Variants in PARD3 observed in about 807,000 individuals in gnomAD.
PARD3 encodes the protein partitioning defective 3 homolog.
Under a neutral mutation model 155.4 loss-of-function variants are expected in PARD3, and 75 were observed. That is an observed-to-expected ratio of 0.48 (90% confidence interval 0.40 to 0.58). PARD3 has a LOEUF of 0.58. Ranked by LOEUF, PARD3 falls within the 20% of genes least tolerant of loss-of-function variation. The probability of loss-of-function intolerance (pLI) is 0.00; values close to 1 mark genes in which losing one functional copy is unlikely to be tolerated. For missense variants in PARD3, 1,642 were observed against 1,721.7 expected (o/e 0.95, Z 0.82); for synonymous variants, 576 against 610.5 (o/e 0.94, Z 0.83).
intron 22 of PARD3, among the ~76,000 whole-genome samples, chr10:34,265,930 T>C (rs557091368): frequency 6.6e-6 from 1 of 152,066 alleles, no homozygotes; most frequent in Non-Finnish European, 1.5e-5. Context: ...GGCAAGACTG[T>C]GGGGGTCGGC....
chr10:34,183,903 C>G (rs751449844), intron 22 of PARD3, among the ~76,000 whole-genome samples: 6 of 152,190 alleles, frequency 3.9e-5, no homozygotes, highest in Non-Finnish European at 8.8e-5. Context: ...TGGGGTTCCT[C>G]CAGTCATCGG....
chr10:34,606,285 G>A (rs944858412), intron 2 of PARD3, among the ~76,000 whole-genome samples: 3 of 150,318 alleles, frequency 2.0e-5, no homozygotes, highest in South Asian at 2.1e-4. Flanking sequence ...GTACAGTCAC[G>A]TGCTCCGGGT....
At chr10:34,344,911 T>C (rs763870836) in intron 15 of PARD3, 268 of 985,300 alleles carry the variant, frequency 2.7e-4, no homozygotes, top group Non-Finnish European at 3.1e-4. Context: ...TTAATGTATT[T>C]GCTCCATAAC....
chr10:34,219,968 G>T lies in PARD3; in HGVS notation c.3419+49689C>A, dbSNP rs140676076. 6.4e-4 allele frequency among the ~76,000 whole-genome samples: 97 copies of T among 152,262 alleles called. 1 individual carries two copies. Among genetic ancestry groups the T allele is most frequent in the Non-Finnish European group, 1.3e-3 (86 of 68,024 alleles). On this transcript the variant is annotated intron_variant, in intron 22 of 24. Coordinates refer to ENST00000374788, the MANE Select transcript of PARD3 (RefSeq NM_001184785.2). Reference sequence around the variant, plus strand: ...TTCATGACCTTTTTGTTTTACGAACGCATCAGTCCCTGTAAGCCTACTTAG... The same window carrying T: ...TTCATGACCTTTTTGTTTTACGAACTCATCAGTCCCTGTAAGCCTACTTAG...
intron 1 of PARD3, among the ~76,000 whole-genome samples, chr10:34,761,490 TAAAAC>T (rs1837433507): frequency 6.6e-6 from 1 of 152,318 alleles, no homozygotes; most frequent in Non-Finnish European, 1.5e-5. Context: ...TAGGCTAGTT[TAAAAC>T]AAAACAAATC....
At chr10:34,714,225 A>C (rs1422554131) in intron 1 of PARD3, among the ~76,000 whole-genome samples, 1 of 152,206 alleles carries the variant, frequency 6.6e-6, no homozygotes, top group Non-Finnish European at 1.5e-5. Flanking sequence ...ATTTTTCACA[A>C]AGAAAGGCTC....
intron 19 of PARD3, among the ~76,000 whole-genome samples, chr10:34,326,846 A>G (rs577533017): frequency 1.3e-5 from 2 of 152,330 alleles, no homozygotes; most frequent in African/African-American, 4.8e-5. Context: ...TACCTACTTC[A>G]TGTTTGAAGA....
chr10:34,279,531 T>A (rs964062816), intron 21 of PARD3, among the ~76,000 whole-genome samples: 2 of 152,278 alleles, frequency 1.3e-5, no homozygotes, highest in East Asian at 3.9e-4. Flanking sequence ...GGTTAATTTT[T>A]AAAAGACAAT....
chr10:34,478,613 G>A (rs1310537338), intron 3 of PARD3, among the ~76,000 whole-genome samples: 2 of 152,096 alleles, frequency 1.3e-5, no homozygotes, highest in Admixed American at 6.5e-5. Context: ...GTGCGATCTC[G>A]GCTCACTGCA....
chr10:34,257,347 C>T (rs184651217), intron 22 of PARD3, among the ~76,000 whole-genome samples: 2 of 152,282 alleles, frequency 1.3e-5, no homozygotes, highest in East Asian at 3.9e-4. Context: ...TCACAAAATA[C>T]CAACAAGATT....
At chr10:34,448,686 G>T (rs2076890763) in intron 5 of PARD3, among the ~76,000 whole-genome samples, 1 of 151,902 alleles carries the variant, frequency 6.6e-6, no homozygotes, top group Non-Finnish European at 1.5e-5. Context: ...TACATGTATA[G>T]TCCTAGCTAC....
intron 14 of PARD3, among the ~76,000 whole-genome samples, chr10:34,349,467 A>G (rs549579443): frequency 1.8e-4 from 28 of 151,966 alleles, no homozygotes; most frequent in African/African-American, 6.0e-4. Context: ...GTAGATTACA[A>G]CTGACAGCTT....
chr10:34,218,317 CTGAA>C (rs1952108169), intron 22 of PARD3, among the ~76,000 whole-genome samples: 2 of 152,244 alleles, frequency 1.3e-5, no homozygotes, highest in Non-Finnish European at 2.9e-5. Flanking sequence ...TCATTGTTTG[CTGAA>C]TGAATAAATT....
intron 22 of PARD3, among the ~76,000 whole-genome samples, chr10:34,184,699 T>C (rs1033259494): frequency 1.2e-4 from 1 of 8,266 alleles, no homozygotes; most frequent in African/African-American, 1.4e-4. Context: ...GGCCTTTCGG[T>C]TTTTTTTTTT....
At chr10:34,651,658 A>T (rs904000858) in intron 2 of PARD3, among the ~76,000 whole-genome samples, 1 of 152,200 alleles carries the variant, frequency 6.6e-6, no homozygotes, top group Non-Finnish European at 1.5e-5. Flanking sequence ...CGACGTTAAT[A>T]CAGTATGCTG....
At chr10:34,447,063 TAAAC>T (rs1359490312) in intron 5 of PARD3, among the ~76,000 whole-genome samples, 2 of 152,116 alleles carry the variant, frequency 1.3e-5, no homozygotes, top group Non-Finnish European at 2.9e-5. Context: ...AGTGACCAAC[TAAAC>T]AAACACGTGG....
At chr10:34,183,550 C>T (rs1950356663) in intron 22 of PARD3, among the ~76,000 whole-genome samples, 1 of 152,154 alleles carries the variant, frequency 6.6e-6, no homozygotes, top group Non-Finnish European at 1.5e-5. Flanking sequence ...TGGTGATTCC[C>T]GCCCTCTTCT....
intron 5 of PARD3, among the ~76,000 whole-genome samples, chr10:34,432,332 G>GCACACA (rs1284264665): frequency 2.8e-5 from 2 of 70,852 alleles, no homozygotes; most frequent in African/African-American, 1.1e-4. Context: ...ATATACACGT[G>GCACACA]CACATACACA....
At chr10:34,525,918 T>C (rs1284360099) in intron 2 of PARD3, among the ~76,000 whole-genome samples, 1 of 151,044 alleles carries the variant, frequency 6.6e-6, no homozygotes, top group Non-Finnish European at 1.5e-5. Flanking sequence ...TCGTCTCTAC[T>C]AAAAATACAA....
Sources: allele counts gnomAD v4.1 joint callset (sites outside exome capture counted in the v4.1 genomes callset), GRCh38; gene constraint gnomAD v4.1.1; transcripts MANE v1.5; gene names NCBI Gene and HGNC (gene_info 2026-07-23, HGNC 2026-07-21).